The following CTBP2 variants were observed in gnomAD, a reference collection of about 807,000 sequenced individuals.
The protein encoded by CTBP2 is C-terminal binding protein 2.
CTBP2 carries 30 observed loss-of-function variants against 80.3 expected under a neutral mutation model. That is an observed-to-expected ratio of 0.37 (90% CI 0.28 to 0.51). The LOEUF (loss-of-function observed/expected upper bound fraction) is 0.51. Among genes scored for constraint, CTBP2 ranks in the 20% least tolerant of loss-of-function variants. The pLI, the probability that CTBP2 is intolerant of heterozygous loss-of-function variation, is 0.93. For missense variants in CTBP2, 1,212 were observed against 1,375.3 expected (o/e 0.88, Z 1.88); for synonymous variants, 594 against 587.4 (o/e 1.01, Z -0.16).
In CTBP2 at chr10:124,988,344, T is replaced by G. The variant is rs376017148; in HGVS notation, c.*1174A>C. The G allele has an allele frequency of 3.3e-5, 5 of 152,660 alleles. No homozygotes were observed. Among genetic ancestry groups the G allele is most frequent in the Admixed American group, 2.0e-4 (3 of 15,284 alleles). The allele number at this position is 152,660 out of a possible 1,614,324, so 9.5% of individuals were successfully genotyped here. Reference sequence around the variant, plus strand: ...AATTTCAGAACTTAACAAATTTTAATTACTTTTTATTGAAAACTGCACTGA... The same window carrying G: ...AATTTCAGAACTTAACAAATTTTAAGTACTTTTTATTGAAAACTGCACTGA... On this transcript the variant is annotated 3_prime_UTR_variant, in exon 9 of 9. Coordinates refer to ENST00000309035, the MANE Select transcript of CTBP2 (RefSeq NM_022802.3).
chr10:124,998,244 C>T lies in CTBP2; in HGVS notation c.1979-74G>A, dbSNP rs1473505199. 1.1e-4 allele frequency: 172 copies of T among 1,509,828 alleles called. 2 individuals are homozygous for T. Among genetic ancestry groups the T allele is most frequent in the South Asian group, 1.0e-3 (80 of 79,974 alleles). The allele number at this position is 1,509,828 out of a possible 1,614,324, so 93.5% of individuals were successfully genotyped here. A position where few individuals can be genotyped will look rare whatever the true frequency, so the allele number is the denominator to read the frequency against. On this transcript the variant is annotated intron_variant, in intron 3 of 8. Coordinates refer to ENST00000309035, the MANE Select transcript of CTBP2 (RefSeq NM_022802.3). The stretch of plus-strand genomic sequence containing the variant: ...TGGGGAAGCCCCAGGGCTCCCAGCC[C>T]GCCCTCCTGAGACTCGGTTGTTGGC...
chr10:125,136,488 G>A (rs1277238708), intron 1 of CTBP2, among the ~76,000 whole-genome samples: 3 of 152,206 alleles, frequency 2.0e-5, no homozygotes, highest in African/African-American at 7.2e-5. Flanking sequence ...AACCCCTGGT[G>A]CCCAGCTCAT....
intron 1 of CTBP2, among the ~76,000 whole-genome samples, chr10:125,013,416 C>A (rs1425669723): frequency 1.3e-5 from 2 of 152,232 alleles, no homozygotes; most frequent in African/African-American, 4.8e-5. Flanking sequence ...CTCGTGCGGG[C>A]ACCGCTGCCG....
At chr10:125,075,868 C>T (rs961903216) in intron 2 of CTBP2, among the ~76,000 whole-genome samples, 8 of 152,220 alleles carry the variant, frequency 5.3e-5, no homozygotes, top group African/African-American at 1.9e-4. Flanking sequence ...TAGAAAACCA[C>T]CAGGCGGTTT....
At chr10:125,023,022 C>A (rs1372366475) in intron 1 of CTBP2, among the ~76,000 whole-genome samples, 1 of 152,210 alleles carries the variant, frequency 6.6e-6, no homozygotes, top group African/African-American at 2.4e-5. Flanking sequence ...TTGCTGGAAA[C>A]CGAGGCCACA....
chr10:125,080,860 T>C (rs572756985), intron 2 of CTBP2, among the ~76,000 whole-genome samples: 2 of 151,678 alleles, frequency 1.3e-5, no homozygotes, highest in East Asian at 3.9e-4. Context: ...CAACTGCACA[T>C]GCGTCACCTC....
Position 124,997,991 on chromosome 10 carries a change from C to G in CTBP2, c.2158G>C (p.Gly720Arg), listed in dbSNP as rs765674932. 2 of 1,612,866 alleles carry G rather than the reference C, an allele frequency of 1.2e-6. No individual in the cohort carries two copies. The highest frequency in any genetic ancestry group is 8.5e-7 in the Non-Finnish European group (1 of 1,179,882). The stretch of plus-strand genomic sequence containing the variant: ...AAGCCAATGAGGCCCAGCGTCTCCC[C>G]ACGGATGCGGGCCGCTCCCGAGGCC... Residue 720 changes from glycine (G) to arginine (R), a missense_variant, in exon 4 of 9, where the codon GGG becomes CGG. Gly to Arg is a moderately radical substitution (Grantham distance 125). Transcript: ENST00000309035.
intron 2 of CTBP2, among the ~76,000 whole-genome samples, chr10:125,106,871 A>T (rs938490109): frequency 6.6e-6 from 1 of 152,192 alleles, no homozygotes; most frequent in African/African-American, 2.4e-5. Flanking sequence ...AGAAAGCCAG[A>T]CTCACCAGGA....
At chr10:125,061,438 G>T (rs1345505172) in intron 2 of CTBP2, among the ~76,000 whole-genome samples, 1 of 152,148 alleles carries the variant, frequency 6.6e-6, no homozygotes, top group Non-Finnish European at 1.5e-5. Context: ...GGCCAGAGAA[G>T]GCCTGTGGAC....
At chr10:125,036,663 GA>G (rs1958899280) in intron 3 of CTBP2, among the ~76,000 whole-genome samples, 2 of 116,798 alleles carry the variant, frequency 1.7e-5, no homozygotes, top group Admixed American at 9.8e-5. Flanking sequence ...TTCAAAGCTA[GA>G]GGGGGTGTGT....
At chr10:125,126,836 G>A (rs200827618) in intron 1 of CTBP2, among the ~76,000 whole-genome samples, 33 of 152,138 alleles carry the variant, frequency 2.2e-4, no homozygotes, top group South Asian at 6.2e-4. Flanking sequence ...AAAGAGCTGC[G>A]TGCACTTCTG....
chr10:125,026,397 A>G lies in CTBP2; in HGVS notation c.1363T>C (p.Tyr455His), dbSNP rs3012075. ...AAGGCCACCCCTGCCTGCAGGGGGT[A>G]CGTGGGGCTCAGACGCGCTGTCAGG... The change falls in exon 1 of 9, where the codon TAC (tyrosine) becomes CAC (histidine). Residue 455 changes from tyrosine to histidine, a missense_variant. Transcript: ENST00000309035. 774,525 of 1,609,638 alleles carry G rather than the reference A, an allele frequency of 0.48. 189,586 individuals are homozygous for G. Among genetic ancestry groups the G allele is most frequent in the East Asian group, 0.59 (26,355 of 44,652 alleles).
chr10:125,097,854 G>A (rs1210481003), intron 2 of CTBP2, among the ~76,000 whole-genome samples: 1 of 152,178 alleles, frequency 6.6e-6, no homozygotes, highest in Non-Finnish European at 1.5e-5. Flanking sequence ...GCTCACGCCT[G>A]TAATCCCAGC....
At chr10:125,067,981 T>TC (rs1242631328) in intron 2 of CTBP2, among the ~76,000 whole-genome samples, 31 of 152,298 alleles carry the variant, frequency 2.0e-4, no homozygotes, top group African/African-American at 7.0e-4. Context: ...CTCTCACCTG[T>TC]CCACTTGCCA....
intron 1 of CTBP2, among the ~76,000 whole-genome samples, chr10:125,136,051 C>G (rs1203435081): frequency 6.6e-6 from 1 of 152,240 alleles, no homozygotes; most frequent in Non-Finnish European, 1.5e-5. Flanking sequence ...CACCTGGGAA[C>G]TTTTTATTAC....
intron 1 of CTBP2, among the ~76,000 whole-genome samples, chr10:125,141,742 C>A (rs765832928): frequency 6.6e-6 from 1 of 152,082 alleles, no homozygotes; most frequent in Non-Finnish European, 1.5e-5. Flanking sequence ...ACAGCAGGTA[C>A]ACAGCGAGCA....
At chr10:125,002,775 C>T (rs1250869219) in intron 3 of CTBP2, among the ~76,000 whole-genome samples, 185 bp downstream of exon 5, 4 of 152,210 alleles carry the variant, frequency 2.6e-5, no homozygotes, top group Non-Finnish European at 5.9e-5. Context: ...CAGGGACTAT[C>T]CTACCTGTGT....
chr10:125,115,509 T>G (rs1032150782), intron 1 of CTBP2, among the ~76,000 whole-genome samples: 2 of 152,084 alleles, frequency 1.3e-5, no homozygotes, highest in East Asian at 3.9e-4. Context: ...GATTTGGAGG[T>G]AACAGCATCT....
intron 1 of CTBP2, among the ~76,000 whole-genome samples, chr10:125,004,453 C>G (rs1397618075): frequency 7.0e-6 from 1 of 143,168 alleles, no homozygotes; most frequent in East Asian, 1.9e-4. Flanking sequence ...TTTTCTCCAA[C>G]AAAAACTGCC....
Sources: allele counts gnomAD v4.1 joint callset (sites outside exome capture counted in the v4.1 genomes callset), GRCh38; gene constraint gnomAD v4.1.1; transcripts MANE v1.5; gene names NCBI Gene and HGNC (gene_info 2026-07-23, HGNC 2026-07-21).